The following SUGCT variants were observed in gnomAD, a reference collection of about 807,000 sequenced individuals.
SUGCT encodes the protein succinyl-CoA:glutarate-CoA transferase.
SUGCT carries 41 observed loss-of-function variants against 55.0 expected under a neutral mutation model. That is an observed-to-expected ratio of 0.74 (90% CI 0.58 to 0.97). The LOEUF is 0.97. Among genes scored for constraint, SUGCT ranks in the 50% least tolerant of loss-of-function variants. SUGCT has a pLI of 0.00. For missense variants in SUGCT, 568 were observed against 547.8 expected (o/e 1.04, Z -0.37); for synonymous variants, 187 against 200.4 (o/e 0.93, Z 0.56).
intron 9 of SUGCT, among the ~76,000 whole-genome samples, chr7:40,374,851 G>A (rs1304967323): frequency 6.6e-6 from 1 of 152,112 alleles, no homozygotes; most frequent in East Asian, 1.9e-4. Flanking sequence ...AATTTTATCT[G>A]GCTTGAGCCT....
At chr7:40,771,654 C>T (rs536889306) in intron 13 of SUGCT, among the ~76,000 whole-genome samples, 68 of 152,030 alleles carry the variant, frequency 4.5e-4, no homozygotes, top group African/African-American at 1.4e-3. Context: ...ATTTTTCTTA[C>T]GGATACTATT....
the SUGCT span, among the ~76,000 whole-genome samples, chr7:40,986,630 A>G: frequency 6.6e-6 from 1 of 152,214 alleles, no homozygotes; most frequent in African/African-American, 2.4e-5. Context: ...AAACATTAGT[A>G]GCCTATTTTT....
At chr7:40,478,261 C>G (rs1286966419) in intron 11 of SUGCT, among the ~76,000 whole-genome samples, 1 of 152,168 alleles carries the variant, frequency 6.6e-6, no homozygotes, top group Non-Finnish European at 1.5e-5. Context: ...CCTCCTCAGC[C>G]TCCCAAAGCA....
At chr7:40,868,096 A>G in the SUGCT span, among the ~76,000 whole-genome samples, 1 of 151,916 alleles carries the variant, frequency 6.6e-6, no homozygotes, top group Non-Finnish European at 1.5e-5. Context: ...GTCACCATCT[A>G]TTCCTCCCTC....
intron 9 of SUGCT, among the ~76,000 whole-genome samples, chr7:40,326,790 AT>A (rs1334529472): frequency 6.6e-6 from 1 of 152,146 alleles, no homozygotes; most frequent in Non-Finnish European, 1.5e-5. Flanking sequence ...GACAAAAATG[AT>A]TTTCAGGAGT....
At chr7:40,162,126 G>C (rs1481483167) in intron 1 of SUGCT, among the ~76,000 whole-genome samples, 1 of 152,140 alleles carries the variant, frequency 6.6e-6, no homozygotes, top group Non-Finnish European at 1.5e-5. Flanking sequence ...TCGATCTCCT[G>C]ACCTCGTGAT....
chr7:40,872,254 T>C, the SUGCT span, among the ~76,000 whole-genome samples: 1 of 152,150 alleles, frequency 6.6e-6, no homozygotes, highest in African/African-American at 2.4e-5. Flanking sequence ...ATTATTTAAG[T>C]TTAAGGCAGG....
chr7:40,598,894 C>T (rs1008338413), intron 12 of SUGCT, among the ~76,000 whole-genome samples: 7 of 152,084 alleles, frequency 4.6e-5, no homozygotes, highest in Non-Finnish European at 7.4e-5. Context: ...AATATTAGAC[C>T]GTCAAAATAC....
chr7:40,821,078 A>G (rs1166942927), intron 13 of SUGCT, among the ~76,000 whole-genome samples: 1 of 152,054 alleles, frequency 6.6e-6, no homozygotes, highest in Non-Finnish European at 1.5e-5. Context: ...ATTGATTTGC[A>G]TATGTTGAGC....
chr7:40,803,337 G>T (rs1790918574), intron 13 of SUGCT, among the ~76,000 whole-genome samples: 1 of 152,094 alleles, frequency 6.6e-6, no homozygotes, highest in South Asian at 2.1e-4. Context: ...TCCATTTTAT[G>T]CTCACAACAG....
chr7:40,837,738 C>T lies in SUGCT; in HGVS notation c.1154-22578C>T, dbSNP rs112739040. ...AAGCGATTCTCATGCCTCCTCCTCC[C>T]GAGTAGCTGAAATTACAGGCACCCA... On this transcript the variant is annotated intron_variant, in intron 13 of 13. Transcript: ENST00000335693. 3.7e-3 allele frequency among the ~76,000 whole-genome samples: 568 copies of T among 152,120 alleles called. 6 individuals are homozygous for T. The highest frequency in any genetic ancestry group is 0.013 in the African/African-American group (542 of 41,492).
chr7:40,274,774 A>G (rs547669236), intron 8 of SUGCT, 118 bp downstream of exon 8: 12 of 898,294 alleles, frequency 1.3e-5, no homozygotes, highest in Non-Finnish European at 1.9e-5. Context: ...ACACAACAAC[A>G]CTGAAAACTG....
At chr7:40,486,070 A>C (rs1416780609) in intron 11 of SUGCT, among the ~76,000 whole-genome samples, 1 of 152,206 alleles carries the variant, frequency 6.6e-6, no homozygotes, top group East Asian at 1.9e-4. Context: ...AGTTTTTGGA[A>C]GAGTTTGAGA....
chr7:40,809,561 T>C (rs1791296362), intron 13 of SUGCT, among the ~76,000 whole-genome samples: 2 of 152,286 alleles, frequency 1.3e-5, no homozygotes, highest in Admixed American at 1.3e-4. Context: ...TAGGTTTTGG[T>C]TCCTCAAGCT....
chr7:40,709,577 ATC>A (rs1248287878), intron 12 of SUGCT, among the ~76,000 whole-genome samples: 2 of 152,206 alleles, frequency 1.3e-5, no homozygotes, highest in African/African-American at 4.8e-5. Context: ...CTTCCCAGGC[ATC>A]TCTCCTTGTT....
At chr7:40,215,069 G>T (rs942374067) in intron 6 of SUGCT, among the ~76,000 whole-genome samples, 8 of 152,188 alleles carry the variant, frequency 5.3e-5, no homozygotes, top group African/African-American at 1.9e-4. Context: ...AGAGTTTATA[G>T]CATGGCAGAT....
chr7:40,258,958 C>T lies in SUGCT; in HGVS notation c.577-15555C>T, dbSNP rs185552678. Among the ~76,000 whole-genome samples, 1,368 of 152,172 alleles carry T rather than the reference C, an allele frequency of 9.0e-3. 12 individuals are homozygous for T. Among genetic ancestry groups the T allele is most frequent in the Non-Finnish European group, 0.011 (746 of 68,022 alleles). On this transcript the variant is annotated intron_variant, in intron 7 of 13. Coordinates refer to ENST00000335693, the MANE Select transcript of SUGCT (RefSeq NM_001193313.2). ...TGGATAAAGAAACATGGTATATATA[C>T]GTAATGGAATACTATTCAGCCTTAG...
downstream of SUGCT, among the ~76,000 whole-genome samples, chr7:40,861,400 T>C (rs1306190748): frequency 1.3e-5 from 2 of 152,184 alleles, no homozygotes; most frequent in Non-Finnish European, 2.9e-5. Context: ...TTTCAATGGA[T>C]ATAAAGTATA....
At chr7:40,247,712 T>C (rs555968723) in intron 7 of SUGCT, among the ~76,000 whole-genome samples, 2 of 152,342 alleles carry the variant, frequency 1.3e-5, no homozygotes, top group African/African-American at 4.8e-5. Context: ...CCTTTGTTTT[T>C]ATTGGAGTGT....
Sources: gnomAD v4.1 joint callset for allele counts (sites outside exome capture counted in the v4.1 genomes callset) on GRCh38, gnomAD v4.1.1 for gene constraint, MANE v1.5 for transcripts, NCBI Gene and HGNC (gene_info 2026-07-23, HGNC 2026-07-21) for gene names.